Variants in FBXO32 observed in about 807,000 individuals in gnomAD.
FBXO32 encodes F-box only protein 32.
A neutral mutation model predicts 48.3 loss-of-function variants in FBXO32; 15 were observed. The ratio of observed to expected loss-of-function variants is 0.31; its 90% CI spans 0.21 to 0.48. FBXO32 has a LOEUF of 0.48. FBXO32 is among the 20% of genes least tolerant of loss of function. The pLI, the probability that FBXO32 is intolerant of heterozygous loss-of-function variation, is 0.99. For missense variants in FBXO32, 309 were observed against 432.7 expected (o/e 0.71, Z 2.54); for synonymous variants, 154 against 165.9 (o/e 0.93, Z 0.55).
At position 123,499,567 on chromosome 8, in the gene FBXO32, T is replaced by C. The variant is rs1480942586; in HGVS notation, c.*3806A>G. On this transcript the variant is annotated 3_prime_UTR_variant, in exon 9 of 9. Coordinates refer to ENST00000517956, the MANE Select transcript of FBXO32 (RefSeq NM_058229.4). ...CAGTTAAAAAAATTCACACATAAAA[T>C]AGAGTGTTTGCATAGCAAGACATTA... 6.6e-6 allele frequency: 1 copy of C among 151,550 alleles called. No homozygotes were observed. Among genetic ancestry groups the C allele is most frequent in the Non-Finnish European group, 1.5e-5 (1 of 67,930 alleles). The allele number at this position is 151,550 out of a possible 1,614,324, so 9.4% of individuals were successfully genotyped here.
In FBXO32 at chr8:123,506,025, G is replaced by T. The variant is rs1333095245; in HGVS notation, c.834+367C>A. Among the ~76,000 whole-genome samples the T allele has an allele frequency of 6.6e-6, 1 of 151,948 alleles. No individual in the cohort carries two copies. The highest frequency in any genetic ancestry group is 1.5e-5 in the Non-Finnish European group (1 of 68,000). ...GACTGCTTGAGGCCAGGAGTTTGAG[G>T]TCAGCCTGGGCAACATAGAGAGACC... On this transcript the variant is annotated intron_variant, in intron 7 of 8. Coordinates refer to ENST00000517956, the MANE Select transcript of FBXO32 (RefSeq NM_058229.4). This position sits in a 1 kb window ranked among gnomAD's most constrained non-coding sequence, Gnocchi z 4.0.
intron 4 of FBXO32, among the ~76,000 whole-genome samples, chr8:123,520,382 G>A (rs912734776): frequency 5.9e-5 from 9 of 152,102 alleles, no homozygotes; most frequent in Non-Finnish European, 8.8e-5. Context: ...TGTCATTATC[G>A]TGTGGGCACT....
Position 123,541,198 on chromosome 8 carries a change from G to A in FBXO32, c.-184C>T, listed in dbSNP as rs1046794386. On this transcript the variant is annotated 5_prime_UTR_variant, in exon 1 of 9. Transcript: ENST00000517956. Reference sequence around the variant, plus strand: ...GAGGATCTCAAGCGTTGCAGGCTCCGGGAGTGCTGCGCGGCAGTAGCTGCC... The same window carrying A: ...GAGGATCTCAAGCGTTGCAGGCTCCAGGAGTGCTGCGCGGCAGTAGCTGCC... The A allele has an allele frequency of 5.5e-6, 2 of 364,992 alleles. No individual in the cohort carries two copies. Among genetic ancestry groups the A allele is most frequent in the South Asian group, 1.2e-4 (1 of 8,216 alleles). The allele number at this position is 364,992 out of a possible 1,614,324, so 22.6% of individuals were successfully genotyped here. A position where few individuals can be genotyped will look rare whatever the true frequency, so the allele number is the denominator to read the frequency against.
rs1349002040 is a variant in FBXO32, at chr8:123,501,298, C to T, written c.*2075G>A. On this transcript the variant is annotated 3_prime_UTR_variant, in exon 9 of 9. Coordinates refer to ENST00000517956, the MANE Select transcript of FBXO32 (RefSeq NM_058229.4). ...AACCTGACAATTATAGAAGAAGTAG[C>T]TTTTTATTCAGCAGTCTAGGTCCTG... 1 of 150,564 alleles carries T rather than the reference C, an allele frequency of 6.6e-6. No individual in the cohort carries two copies. Among genetic ancestry groups the T allele is most frequent in the African/African-American group, 2.4e-5 (1 of 40,990 alleles). The allele number at this position is 150,564 out of a possible 1,614,324, so 9.3% of individuals were successfully genotyped here. A position where few individuals can be genotyped will look rare whatever the true frequency, so the allele number is the denominator to read the frequency against.
chr8:123,513,878 C>T lies in FBXO32; in HGVS notation c.466+362G>A, dbSNP rs1205806918. On this transcript the variant is annotated intron_variant, in intron 5 of 8. Transcript: ENST00000517956. This position sits in a 1 kb window ranked among gnomAD's most constrained non-coding sequence, Gnocchi z 4.3. The stretch of plus-strand genomic sequence containing the variant: ...CAGAGACCTAAGGTTCCTTCTAGCT[C>T]GAATAGTCTACGAATCTATTCTGAC... Among the ~76,000 whole-genome samples, 3 of 152,130 alleles carry T rather than the reference C, an allele frequency of 2.0e-5. No homozygotes were observed. The highest frequency in any genetic ancestry group is 2.1e-4 in the South Asian group (1 of 4,820).
intron 4 of FBXO32, among the ~76,000 whole-genome samples, chr8:123,520,667 G>A (rs1260496801): frequency 6.6e-6 from 1 of 152,172 alleles, no homozygotes; most frequent in Non-Finnish European, 1.5e-5. Context: ...CACTGCTCTC[G>A]TATCAAGAGC....
Position 123,513,477 on chromosome 8 carries a change from T to C in FBXO32, c.467-95A>G. On this transcript the variant is annotated intron_variant, in intron 5 of 8. Coordinates refer to ENST00000517956, the MANE Select transcript of FBXO32 (RefSeq NM_058229.4). This position sits in a 1 kb window ranked among gnomAD's most constrained non-coding sequence, Gnocchi z 4.3. ...GTCTCTGTCTGTATTCCACTCATGT[T>C]ACCCAGGCACTGCCTCTGGGGATAT... is the stretch of plus-strand genomic sequence containing the variant. 2 of 1,082,796 alleles carry C rather than the reference T, an allele frequency of 1.8e-6. No individual in the cohort carries two copies. Among genetic ancestry groups the C allele is most frequent in the Non-Finnish European group, 2.7e-6 (2 of 749,576 alleles). The allele number at this position is 1,082,796 out of a possible 1,614,324, so 67.1% of individuals were successfully genotyped here.
intron 4 of FBXO32, among the ~76,000 whole-genome samples, chr8:123,517,348 CTGTCT>C (rs1816859411): frequency 6.6e-6 from 1 of 152,212 alleles, no homozygotes; most frequent in Admixed American, 6.5e-5. Flanking sequence ...GAGAAACGAA[CTGTCT>C]TTGGTCTGAT....
chr8:123,510,360 CCAGCA>C, intron 6 of FBXO32, among the ~76,000 whole-genome samples: 1 of 152,244 alleles, frequency 6.6e-6, no homozygotes, highest in African/African-American at 2.4e-5. Flanking sequence ...GCCTGTAATC[CCAGCA>C]CTTTGGGAGG....
rs1236027415 is a variant in FBXO32 at position 123,498,865 on chromosome 8, C to T, written c.*4508G>A. On this transcript the variant is annotated 3_prime_UTR_variant, in exon 9 of 9. Coordinates refer to ENST00000517956, the MANE Select transcript of FBXO32 (RefSeq NM_058229.4). Reference sequence around the variant, plus strand: ...TGGAATGCCACATTCACAACAGAATCAGAGGTCTGTGAAAACATTAAGTGG... The same window carrying T: ...TGGAATGCCACATTCACAACAGAATTAGAGGTCTGTGAAAACATTAAGTGG... The T allele has an allele frequency of 6.6e-6, 1 of 152,206 alleles. No homozygotes were observed. The highest frequency in any genetic ancestry group is 2.4e-5 in the African/African-American group (1 of 41,460). The allele number at this position is 152,206 out of a possible 1,614,324, so 9.4% of individuals were successfully genotyped here.
At chr8:123,535,826 G>GTTTTTTTTTTTTTTTTTTTTTTTTTTTT (rs149011780) in intron 1 of FBXO32, among the ~76,000 whole-genome samples, 1 of 133,454 alleles carries the variant, frequency 7.5e-6, no homozygotes. Flanking sequence ...ATAAATTAGG[G>GTTTTTTTTTTTTTTTTTTTTTTTTTTTT]GTTTTTTTTT....
chr8:123,506,603 G>C lies in FBXO32; in HGVS notation c.652-29C>G, dbSNP rs1563919401. 1.3e-6 allele frequency: 2 copies of C among 1,553,938 alleles called. No homozygotes were observed. Among genetic ancestry groups the C allele is most frequent in the Admixed American group, 1.8e-5 (1 of 55,470 alleles). On this transcript the variant is annotated intron_variant, in intron 6 of 8. Coordinates refer to ENST00000517956, the MANE Select transcript of FBXO32 (RefSeq NM_058229.4). This position sits in a 1 kb window ranked among gnomAD's most constrained non-coding sequence, Gnocchi z 4.0. Reference sequence around the variant, plus strand: ...CAGAGAGAAGGGTGACAATAGGTGGGGGGGCCAGAGAGCAGCGATTCACCA... The same window carrying C: ...CAGAGAGAAGGGTGACAATAGGTGGCGGGGCCAGAGAGCAGCGATTCACCA...
At chr8:123,515,956 A>C (rs10111521) in intron 4 of FBXO32, among the ~76,000 whole-genome samples, 54,925 of 152,036 alleles carry the variant, frequency 0.36, 10,971 homozygotes, top group East Asian at 0.65. Flanking sequence ...CGTGCCATTG[A>C]ACTCTCGCCT....
rs1301951275 is a variant in FBXO32, at chr8:123,498,072, C to T, written c.*5301G>A. On this transcript the variant is annotated 3_prime_UTR_variant, in exon 9 of 9. Coordinates refer to ENST00000517956, the MANE Select transcript of FBXO32 (RefSeq NM_058229.4). ...ACATCTCTGCATGTAATTGGTCTAA[C>T]TTTATGCTTTAGTTACAATGTTCAA... The T allele has an allele frequency of 1.3e-5, 2 of 152,224 alleles. No homozygotes were observed. The highest frequency in any genetic ancestry group is 2.9e-5 in the Non-Finnish European group (2 of 68,040). 9.4% of individuals were successfully genotyped at this position (152,224 alleles called of 1,614,324 possible).
intron 4 of FBXO32, among the ~76,000 whole-genome samples, chr8:123,528,744 T>C (rs939638697): frequency 3.3e-5 from 5 of 152,252 alleles, no homozygotes; most frequent in Admixed American, 6.5e-5. Flanking sequence ...TTTTATTACC[T>C]CTGCATGTCT....
chr8:123,498,295 C>T lies in FBXO32; in HGVS notation c.*5078G>A, dbSNP rs1816400315. On this transcript the variant is annotated 3_prime_UTR_variant, in exon 9 of 9. Transcript: ENST00000517956. ...TGCTTCGTTAATTAAACAAACACAT[C>T]TATACTCAAAGACAGAAAAAGTCAT... The T allele has an allele frequency of 1.3e-5, 2 of 152,176 alleles. No homozygotes were observed. Among genetic ancestry groups the T allele is most frequent in the African/African-American group, 4.8e-5 (2 of 41,442 alleles). 9.4% of individuals were successfully genotyped at this position (152,176 alleles called of 1,614,324 possible). A position where few individuals can be genotyped will look rare whatever the true frequency, so the allele number is the denominator to read the frequency against.
intron 7 of FBXO32, 93 bp from the exon 8 acceptor site, chr8:123,504,840 T>C: frequency 8.1e-7 from 1 of 1,227,140 alleles, no homozygotes; most frequent in Non-Finnish European, 1.1e-6. Flanking sequence ...ACTCTCACCC[T>C]TTCCCCCTCT....
In FBXO32 at chr8:123,501,208, G is replaced by C. The variant is rs1224520445; in HGVS notation, c.*2165C>G. Reference sequence around the variant, plus strand: ...GTCACTAAGAGTCAAAAGTTCCAGAGCTCTCTCAGTGATGGCACACCCAAC... The same window carrying C: ...GTCACTAAGAGTCAAAAGTTCCAGACCTCTCTCAGTGATGGCACACCCAAC... On this transcript the variant is annotated 3_prime_UTR_variant, in exon 9 of 9. Coordinates refer to ENST00000517956, the MANE Select transcript of FBXO32 (RefSeq NM_058229.4). 1 of 152,148 alleles carries C rather than the reference G, an allele frequency of 6.6e-6. No homozygotes were observed. The highest frequency in any genetic ancestry group is 2.4e-5 in the African/African-American group (1 of 41,434). 9.4% of individuals were successfully genotyped at this position (152,148 alleles called of 1,614,324 possible).
In FBXO32 at chr8:123,513,583, TA is replaced by T. The variant is rs1288202144; in HGVS notation, c.467-202del. On this transcript the variant is annotated intron_variant, in intron 5 of 8. Coordinates refer to ENST00000517956, the MANE Select transcript of FBXO32 (RefSeq NM_058229.4). The surrounding 1 kb of genome is among the most constrained non-coding windows in gnomAD (Gnocchi z 4.3). ...GTTAAAGGGTAGAGTTTCCATTATC[TA>T]GGTCCCTCTTTGTTCTCTTCTCTCT... 6.6e-6 allele frequency among the ~76,000 whole-genome samples: 1 copy of T among 152,188 alleles called. No individual in the cohort carries two copies. The highest frequency in any genetic ancestry group is 1.5e-5 in the Non-Finnish European group (1 of 68,026).
Sources: allele counts gnomAD v4.1 joint callset (sites outside exome capture counted in the v4.1 genomes callset), GRCh38; gene constraint gnomAD v4.1.1; non-coding constraint Gnocchi (gnomAD v3.1); transcripts MANE v1.5; gene names NCBI Gene and HGNC (gene_info 2026-07-23, HGNC 2026-07-21).